Variants in RAPGEF2 observed in about 807,000 individuals in gnomAD.
The protein encoded by RAPGEF2 is Rap guanine nucleotide exchange factor 2.
A neutral mutation model predicts 186.7 loss-of-function variants in RAPGEF2; 54 were observed. That is an observed-to-expected ratio of 0.29 (90% CI 0.23 to 0.36). The LOEUF is 0.36. Among genes scored for constraint, RAPGEF2 ranks in the 10% least tolerant of loss-of-function variants. The probability of loss-of-function intolerance (pLI) is 1.00; values close to 1 mark genes in which losing one functional copy is unlikely to be tolerated. For missense variants in RAPGEF2, 1,532 were observed against 2,045.0 expected (o/e 0.75, Z 4.84); for synonymous variants, 712 against 705.9 (o/e 1.01, Z -0.14).
intron 8 of RAPGEF2, among the ~76,000 whole-genome samples, chr4:159,311,267 T>C (rs1346942778): frequency 6.6e-6 from 1 of 152,218 alleles, no homozygotes; most frequent in Non-Finnish European, 1.5e-5. Flanking sequence ...ATTTTTATAA[T>C]TGGTGTATGA....
At position 159,352,842 on chromosome 4, in the gene RAPGEF2, G is replaced by A; in HGVS notation, c.4023G>A (p.Val1341=). 1 of 1,614,188 alleles carries A rather than the reference G, an allele frequency of 6.2e-7. No homozygotes were observed. Among genetic ancestry groups the A allele is most frequent in the Admixed American group, 1.7e-5 (1 of 60,030 alleles). ...ERRQRHSVSI[V]ETNLGMGRME... ...GCCAGAGGCATTCTGTCAGCATCGTGGAAACAAACCTAGGGATGGGCAGGA... is the reference window on the plus strand; with the variant it reads ...GCCAGAGGCATTCTGTCAGCATCGTAGAAACAAACCTAGGGATGGGCAGGA... The change falls in exon 27 of 30, where the codon GTG becomes GTA. Residue 1341 remains valine (V), a synonymous_variant. Coordinates refer to ENST00000691494, the MANE Select transcript of RAPGEF2 (RefSeq NM_001394067.2).
At chr4:159,148,066 A>C (rs1743132639) in intron 1 of RAPGEF2, among the ~76,000 whole-genome samples, 1 of 152,186 alleles carries the variant, frequency 6.6e-6, no homozygotes, top group Non-Finnish European at 1.5e-5. Flanking sequence ...TTTAAAGCTA[A>C]GAACTGTTTT....
At chr4:159,354,098 T>A in intron 28 of RAPGEF2, 52 bp downstream of exon 28, 1 of 1,461,386 alleles carries the variant, frequency 6.8e-7, no homozygotes, top group Non-Finnish European at 9.2e-7. Context: ...GTCTTTAATG[T>A]AACTTATTAC....
rs575743979 is a variant in RAPGEF2, at chr4:159,182,386, CTTTTTTTTTTTTTTT to C, written c.70-4243_70-4229del. 3.7e-3 allele frequency among the ~76,000 whole-genome samples: 317 copies of C among 85,674 alleles called. 3 individuals are homozygous for C. Among genetic ancestry groups the C allele is most frequent in the African/African-American group, 0.013 (305 of 22,984 alleles). The allele number at this position is 85,674 out of a possible 152,430, so 56.2% of individuals were successfully genotyped here. A position where few individuals can be genotyped will look rare whatever the true frequency, so the allele number is the denominator to read the frequency against. ...AAGCTTCCTAGTATTTTCTTTTCTT[CTTTTTTTTTTTTTTT>C]TTTTTTTTTTTTGATACAGAGTCTC... is the stretch of plus-strand genomic sequence containing the variant. On this transcript the variant is annotated intron_variant, in intron 1 of 29. Transcript: ENST00000691494.
At chr4:159,139,205 C>T (rs1173505963) in intron 1 of RAPGEF2, among the ~76,000 whole-genome samples, 1 of 152,190 alleles carries the variant, frequency 6.6e-6, no homozygotes, top group Admixed American at 6.5e-5. Context: ...AGGGAACTCA[C>T]AGTCCAGTGA....
intron 1 of RAPGEF2, among the ~76,000 whole-genome samples, chr4:159,117,500 G>GA (rs1232933989): frequency 6.6e-6 from 1 of 151,892 alleles, no homozygotes; most frequent in African/African-American, 2.4e-5. Context: ...CATAGTTAGA[G>GA]AAAACTCTGT....
At chr4:159,116,001 C>G (rs1434896282) in intron 1 of RAPGEF2, among the ~76,000 whole-genome samples, 1 of 152,096 alleles carries the variant, frequency 6.6e-6, no homozygotes, top group Non-Finnish European at 1.5e-5. Flanking sequence ...AAAATCTAGG[C>G]AATACCATTC....
chr4:159,111,391 A>G (rs1292464737), intron 1 of RAPGEF2, among the ~76,000 whole-genome samples: 1 of 152,174 alleles, frequency 6.6e-6, no homozygotes, highest in African/African-American at 2.4e-5. Flanking sequence ...TGGACTGTGG[A>G]GCTTTAGAAT....
chr4:159,104,551 A>AGTGT (rs371444415), intron 1 of RAPGEF2, among the ~76,000 whole-genome samples: 2,505 of 134,578 alleles, frequency 0.019, 82 homozygotes, highest in African/African-American at 0.054. Flanking sequence ...AGAGAGAGAG[A>AGTGT]GAGTGTGTGT....
At chr4:159,322,861 A>C (rs141983748) in intron 10 of RAPGEF2, among the ~76,000 whole-genome samples, 1 of 152,130 alleles carries the variant, frequency 6.6e-6, no homozygotes, top group Non-Finnish European at 1.5e-5. Context: ...TTCACTACCA[A>C]GAGAACAGTA....
At chr4:159,334,374 G>A (rs935171798) in intron 17 of RAPGEF2, among the ~76,000 whole-genome samples, 7 of 152,060 alleles carry the variant, frequency 4.6e-5, no homozygotes, top group Admixed American at 2.0e-4. Context: ...TTAGCCTCCT[G>A]AGTAGCTGGG....
At chr4:159,344,969 T>C in intron 23 of RAPGEF2, 137 bp from the exon 24 acceptor site, 1 of 658,534 alleles carries the variant, frequency 1.5e-6, no homozygotes, top group Non-Finnish European at 2.6e-6. Flanking sequence ...TCTATATTCC[T>C]GTGTAACAGT....
In RAPGEF2 at chr4:159,210,572, T is replaced by A; in HGVS notation, c.270T>A (p.Leu90=). The change falls in exon 4 of 30, where the codon CTT becomes CTA. Residue 90 remains leucine, a synonymous_variant. Coordinates refer to ENST00000691494, the MANE Select transcript of RAPGEF2 (RefSeq NM_001394067.2). Reference sequence around the variant, plus strand: ...TGTTCATCAAGGAATCCATGTTTCTTCCAAGAAGCAGGTATTGTATAGACA... The same window carrying A: ...TGTTCATCAAGGAATCCATGTTTCTACCAAGAAGCAGGTATTGTATAGACA... ...GSVFIKESMF[L]PRSSFGKRSA... is the part of the protein sequence containing the mutation. 6.5e-7 allele frequency: 1 copy of A among 1,528,856 alleles called. No individual in the cohort carries two copies. Among genetic ancestry groups the A allele is most frequent in the Non-Finnish European group, 8.8e-7 (1 of 1,140,424 alleles). The allele number at this position is 1,528,856 out of a possible 1,614,324, so 94.7% of individuals were successfully genotyped here. A position where few individuals can be genotyped will look rare whatever the true frequency, so the allele number is the denominator to read the frequency against.
intron 4 of RAPGEF2, among the ~76,000 whole-genome samples, chr4:159,236,834 A>C (rs1241856759): frequency 6.6e-6 from 1 of 152,224 alleles, no homozygotes; most frequent in Non-Finnish European, 1.5e-5. Context: ...GTAAAAATTC[A>C]GGTCATTTAA....
intron 1 of RAPGEF2, among the ~76,000 whole-genome samples, chr4:159,131,519 A>ATTTTTTTTTTT (rs35670450): frequency 3.8e-4 from 14 of 37,180 alleles, no homozygotes; most frequent in Admixed American, 6.7e-4. Context: ...ATTAATTGCT[A>ATTTTTTTTTTT]TTTTTTTTTT....
At chr4:159,271,851 G>A (rs1434631402) in intron 7 of RAPGEF2, among the ~76,000 whole-genome samples, 3 of 152,192 alleles carry the variant, frequency 2.0e-5, no homozygotes, top group Non-Finnish European at 4.4e-5. Flanking sequence ...TTGCTTGGCT[G>A]AGTCAATAAT....
chr4:159,350,685 C>G (rs896385312), intron 26 of RAPGEF2, among the ~76,000 whole-genome samples: 1 of 152,160 alleles, frequency 6.6e-6, no homozygotes. Flanking sequence ...TGTATTAACA[C>G]AGGTCTTGAT....
At chr4:159,325,569 T>C (rs1304011605) in intron 11 of RAPGEF2, among the ~76,000 whole-genome samples, 1 of 151,704 alleles carries the variant, frequency 6.6e-6, no homozygotes, top group African/African-American at 2.4e-5. Context: ...TGAGTTAGAG[T>C]GTGTGTCCTT....
chr4:159,267,918 T>TA, intron 7 of RAPGEF2: 1 of 1,270,230 alleles, frequency 7.9e-7, no homozygotes, highest in Non-Finnish European at 9.9e-7. Context: ...CTAGGATGGT[T>TA]AGAGTTTCAA....
Sources: allele counts gnomAD v4.1 joint callset (sites outside exome capture counted in the v4.1 genomes callset), GRCh38; gene constraint gnomAD v4.1.1; transcripts MANE v1.5; gene names NCBI Gene and HGNC (gene_info 2026-07-23, HGNC 2026-07-21).